The following STPG2 variants were observed in gnomAD, a reference collection of about 807,000 sequenced individuals.
STPG2 encodes the protein sperm tail PG-rich repeat containing 2, also known as sperm-tail PG-rich repeat-containing protein 2.
Under a neutral mutation model 54.2 loss-of-function variants are expected in STPG2, and 56 were observed. The observed-to-expected ratio is 1.03, with a 90% CI of 0.83 to 1.29. STPG2 has a LOEUF of 1.29. STPG2 is among the 50% of genes most tolerant of loss of function. STPG2 has a pLI of 0.00. For missense variants in STPG2, 596 were observed against 544.9 expected, an observed-to-expected ratio of 1.09 and a Z score of -0.93; for synonymous variants, 200 against 181.8, an observed-to-expected ratio of 1.10 and a Z score of -0.81.
In STPG2 at chr4:97,488,205, A is replaced by T. The variant is rs139242420; in HGVS notation, c.462+224494T>A. Reference sequence around the variant, plus strand: ...CCAAATCTGCATTTATCTACAGAGAATATTCTTGAAAACTTACCTTAAGAG... The same window carrying T: ...CCAAATCTGCATTTATCTACAGAGATTATTCTTGAAAACTTACCTTAAGAG... On this transcript the variant is annotated intron_variant, in intron 4 of 4. Coordinates refer to the STPG2 transcript ENST00000522676. Among the ~76,000 whole-genome samples the T allele has an allele frequency of 6.0e-3, 911 of 151,798 alleles. 5 individuals carry two copies. The highest frequency in any genetic ancestry group is 0.02 in the South Asian group (98 of 4,830).
At chr4:97,656,922 A>T (rs1256392502) in intron 10 of STPG2, among the ~76,000 whole-genome samples, 2 of 152,038 alleles carry the variant, frequency 1.3e-5, no homozygotes, top group Admixed American at 1.3e-4. Context: ...TATATGAAAA[A>T]TAATTTTAAT....
intron 8 of STPG2, among the ~76,000 whole-genome samples, chr4:97,853,421 T>C (rs2149133272): frequency 6.6e-6 from 1 of 152,220 alleles, no homozygotes; most frequent in South Asian, 2.1e-4. Context: ...GAACTGAAAG[T>C]AAAATAAAAA....
intron 8 of STPG2, among the ~76,000 whole-genome samples, chr4:97,889,650 T>C (rs1021822352): frequency 2.0e-5 from 3 of 152,156 alleles, no homozygotes; most frequent in Non-Finnish European, 2.9e-5. Context: ...CTGTGATTAC[T>C]AATGGCTGGT....
chr4:97,951,834 G>A (rs1030601728), intron 7 of STPG2, among the ~76,000 whole-genome samples: 2 of 152,112 alleles, frequency 1.3e-5, no homozygotes, highest in Non-Finnish European at 2.9e-5. Context: ...GCGTCCCAGG[G>A]AAGAAACTGG....
At chr4:97,744,903 T>A (rs1725376250) in intron 9 of STPG2, among the ~76,000 whole-genome samples, 1 of 151,268 alleles carries the variant, frequency 6.6e-6, no homozygotes, top group South Asian at 2.1e-4. Context: ...AAGGCTCAAA[T>A]GGAAGGCTCC....
chr4:97,558,611 T>G (rs1560658873), downstream of STPG2, among the ~76,000 whole-genome samples: 2 of 152,142 alleles, frequency 1.3e-5, no homozygotes, highest in Non-Finnish European at 1.5e-5. Context: ...AACTAAAGCT[T>G]CAGTCTGACA....
At chr4:98,059,560 A>G (rs543465360) in intron 5 of STPG2, among the ~76,000 whole-genome samples, 17 of 152,040 alleles carry the variant, frequency 1.1e-4, no homozygotes, top group African/African-American at 4.1e-4. Context: ...TATGAGGCCA[A>G]TATCATCCTC....
intron 4 of STPG2, among the ~76,000 whole-genome samples, chr4:97,544,769 T>C (rs1037273487): frequency 2.0e-5 from 3 of 152,064 alleles, no homozygotes; most frequent in African/African-American, 7.2e-5. Context: ...AAGTTAAACA[T>C]GCTGTCCCAG....
chr4:98,083,635 G>A (rs199565984), intron 5 of STPG2, among the ~76,000 whole-genome samples: 2 of 152,128 alleles, frequency 1.3e-5, no homozygotes, highest in East Asian at 3.9e-4. Flanking sequence ...ATACCACAGT[G>A]AACAAAATAT....
intron 5 of STPG2, among the ~76,000 whole-genome samples, chr4:98,086,489 A>G (rs1240893747): frequency 6.6e-6 from 1 of 152,062 alleles, no homozygotes; most frequent in African/African-American, 2.4e-5. Context: ...TTAAACACCT[A>G]CAACTCCACC....
chr4:97,745,244 T>A (rs1180247262), intron 9 of STPG2, among the ~76,000 whole-genome samples: 70 of 141,556 alleles, frequency 4.9e-4, no homozygotes, highest in African/African-American at 5.9e-4. Context: ...GGCATAAAAC[T>A]AAAAAAAAAA....
intron 9 of STPG2, among the ~76,000 whole-genome samples, chr4:97,839,988 T>C (rs1374981536): frequency 1.3e-5 from 2 of 151,620 alleles, no homozygotes; most frequent in African/African-American, 2.4e-5. Flanking sequence ...CTATCTAGTT[T>C]TCCTGTGTAA....
At chr4:97,950,287 T>A (rs72617716) in intron 7 of STPG2, among the ~76,000 whole-genome samples, 6,844 of 152,172 alleles carry the variant, frequency 0.045, 239 homozygotes, top group Admixed American at 0.13. Flanking sequence ...GGAAACTTTG[T>A]TCATTTCTGT....
At chr4:98,056,084 G>C (rs1737473432) in intron 5 of STPG2, among the ~76,000 whole-genome samples, 1 of 152,138 alleles carries the variant, frequency 6.6e-6, no homozygotes, top group African/African-American at 2.4e-5. Flanking sequence ...TGCAACACCA[G>C]CACATGTGAG....
chr4:97,604,386 A>G (rs1295497310), intron 10 of STPG2, among the ~76,000 whole-genome samples: 1 of 151,750 alleles, frequency 6.6e-6, no homozygotes, highest in Non-Finnish European at 1.5e-5. Flanking sequence ...AACAAAAAGG[A>G]GAAAAGAGAT....
At chr4:97,584,890 A>C (rs1221910533) in intron 10 of STPG2, among the ~76,000 whole-genome samples, 1 of 151,782 alleles carries the variant, frequency 6.6e-6, no homozygotes, top group African/African-American at 2.4e-5. Flanking sequence ...CCAACAAAAA[A>C]AGTCCAGAAC....
chr4:98,020,462 T>C (rs1736141420), intron 5 of STPG2, among the ~76,000 whole-genome samples: 1 of 151,330 alleles, frequency 6.6e-6, no homozygotes, highest in Non-Finnish European at 1.5e-5. Flanking sequence ...TCATCAAGGA[T>C]ATTGGTCTAA....
chr4:97,568,549 T>C (rs1732514635), intron 10 of STPG2, among the ~76,000 whole-genome samples: 1 of 152,032 alleles, frequency 6.6e-6, no homozygotes, highest in Admixed American at 6.6e-5. Context: ...CAACCATACA[T>C]ACTGCAGTAG....
At chr4:97,443,460 T>C (rs542476327) in intron 4 of STPG2, among the ~76,000 whole-genome samples, 2 of 152,020 alleles carry the variant, frequency 1.3e-5, no homozygotes, top group Non-Finnish European at 2.9e-5. Flanking sequence ...GAATCAAGAG[T>C]AGCAGCTAAA....
Sources: allele counts gnomAD v4.1 joint callset (sites outside exome capture counted in the v4.1 genomes callset), GRCh38; gene constraint gnomAD v4.1.1; transcripts MANE v1.5; gene names NCBI Gene and HGNC (gene_info 2026-07-23, HGNC 2026-07-21).